The following APOB variants were observed in gnomAD, a reference collection of about 807,000 sequenced individuals.
The protein encoded by APOB is apolipoprotein B.
A neutral mutation model predicts 314.1 loss-of-function variants in APOB; 153 were observed. That is an observed-to-expected ratio of 0.49 (90% confidence interval 0.43 to 0.56). The LOEUF is 0.56. Ranked by LOEUF, APOB falls within the 20% of genes least tolerant of loss-of-function variation. The pLI, the probability that APOB is intolerant of heterozygous loss-of-function variation, is 0.00. For missense variants in APOB, 5,430 were observed against 5,350.7 expected, an observed-to-expected ratio of 1.01 and a Z score of -0.46; for synonymous variants, 2,087 against 2,036.4, an observed-to-expected ratio of 1.02 and a Z score of -0.67.
In APOB at chr2:21,025,136, G is replaced by A. The variant is rs1558571048; in HGVS notation, c.2245-12C>T. 6.2e-7 allele frequency: 1 copy of A among 1,612,532 alleles called. No homozygotes were observed. Among genetic ancestry groups the A allele is most frequent in the Non-Finnish European group, 8.5e-7 (1 of 1,179,496 alleles). On this transcript the variant is annotated splice_polypyrimidine_tract_variant and intron_variant, in intron 15 of 28. Coordinates refer to ENST00000233242, the MANE Select transcript of APOB (RefSeq NM_000384.3). Reference sequence around the variant, plus strand: ...CCATTTACCATATCCTGAGAGTTTAGTAATAAAATGGCCAGTGAGATGTCA... The same window carrying A: ...CCATTTACCATATCCTGAGAGTTTAATAATAAAATGGCCAGTGAGATGTCA...
chr2:21,016,606 C>A lies in APOB; in HGVS notation c.3165G>T (p.Arg1055=), dbSNP rs748079943. 34 of 1,612,108 alleles carry A rather than the reference C, an allele frequency of 2.1e-5. 1 individual carries two copies. The East Asian group carries it at 7.4e-4, about 35-fold the overall frequency. Residue 1055 remains arginine (R), a synonymous_variant, in exon 21 of 29, where the codon CGG becomes CGT. Coordinates refer to ENST00000233242, the MANE Select transcript of APOB (RefSeq NM_000384.3). The part of the protein sequence containing the change: ...TEATMTFKYN[R]QSMTLSSEVQ... ...CTTCACTGGACAAGGTCATACTCTGCCGATTATATTTGAATGTCATGGTAG... is the reference window on the plus strand; with the variant it reads ...CTTCACTGGACAAGGTCATACTCTGACGATTATATTTGAATGTCATGGTAG...
In APOB at chr2:21,009,787, A is replaced by G; in HGVS notation, c.7081T>C (p.Leu2361=). The G allele has an allele frequency of 6.2e-7, 1 of 1,613,956 alleles. No individual in the cohort carries two copies. Among genetic ancestry groups the G allele is most frequent in the Non-Finnish European group, 8.5e-7 (1 of 1,179,936 alleles). ...TTGTATTGGTGGGCCAACTCTACTA[A>G]TTTATCCATTAAAACCTGGATTTGT... is the stretch of plus-strand genomic sequence containing the variant. ...DQQIQVLMDK[L]VELAHQYKLK... Residue 2361 remains leucine, a synonymous_variant, in exon 26 of 29, where the codon TTA becomes CTA. Coordinates refer to ENST00000233242, the MANE Select transcript of APOB (RefSeq NM_000384.3).
chr2:21,042,555 A>T, intron 2 of APOB, 79 bp from the exon 3 acceptor site: 1 of 956,510 alleles, frequency 1.0e-6, no homozygotes, highest in Non-Finnish European at 1.7e-6. Flanking sequence ...AGAGAGGGGC[A>T]GTGGCATAGA....
At position 21,005,706 on chromosome 2, in the gene APOB, A is replaced by G. The variant is rs202213088; in HGVS notation, c.11162T>C (p.Ile3721Thr). ...TTTATCAGCCAAAACTTTTACAGGG[A>G]TGGAGAATGAATAGCCATTGGGGTT... The part of the protein sequence containing the change: ...TKNPNGYSFS[I>T]PVKVLADKFI... The change falls in exon 26 of 29, where the codon ATC becomes ACC. Residue 3721 changes from isoleucine (I) to threonine (T), a missense_variant. Around this residue, in one of 3 missense-constraint regions of APOB, gnomAD observed 3,281 missense variants for 3,171.0 expected, o/e 1.03. Transcript: ENST00000233242. The G allele has an allele frequency of 1.2e-5, 20 of 1,613,946 alleles. No homozygotes were observed. In the Admixed American group the frequency reaches 3.3e-4, roughly 27 times the overall value.
At chr2:21,040,892 C>G (rs1302548961) in intron 4 of APOB, 46 bp downstream of exon 4, 1 of 1,610,448 alleles carries the variant, frequency 6.2e-7, no homozygotes. Context: ...GTTCATACCT[C>G]AGCGGACACA....
intron 23 of APOB, 116 bp downstream of exon 23, chr2:21,014,955 TGG>T: frequency 8.9e-7 from 1 of 1,118,218 alleles, no homozygotes; most frequent in Non-Finnish European, 1.3e-6. Context: ...AAGAATTCCC[TGG>T]GGGGAAGGAA....
Position 21,007,836 on chromosome 2 carries a change from C to T in APOB, c.9032G>A (p.Gly3011Glu), listed in dbSNP as rs772266350. The T allele has an allele frequency of 5.6e-6, 9 of 1,614,098 alleles. No homozygotes were observed. The highest frequency in any genetic ancestry group is 7.6e-6 in the Non-Finnish European group (9 of 1,179,958). The change falls in exon 26 of 29, where the codon GGA (glycine) becomes GAA (glutamate). Residue 3011 changes from glycine to glutamate, a missense_variant. This residue lies in a region of APOB where 3,281 missense variants were observed against 3,171.0 expected (regional missense o/e 1.03). Transcript: ENST00000233242. ...CCCAGTAAACTCTGCCTTCCCTTCT[C>T]CAAACAGTGCCATGCCTTTAGCAGT... ...VLTAKGMALFGEGKAEFTGRH... is the reference protein window; with the variant it reads ...VLTAKGMALFEEGKAEFTGRH...
intron 6 of APOB, among the ~76,000 whole-genome samples, chr2:21,036,822 G>A (rs944615543): frequency 6.6e-6 from 1 of 152,160 alleles, no homozygotes; most frequent in Non-Finnish European, 1.5e-5. Flanking sequence ...CAAGTGATGA[G>A]ATTAGAGGCA....
chr2:21,002,854 TC>T lies in APOB; in HGVS notation c.12567del (p.Ile4190LeufsTer8). 6.2e-7 allele frequency: 1 copy of T among 1,613,494 alleles called. No homozygotes were observed. The highest frequency in any genetic ancestry group is 1.1e-5 in the South Asian group (1 of 90,968). ...TQEFHMKVKH[L>X]IDSLIDFLNF... ...TTCAGAAAATCAATGAGTGAGTCAA[TC>T]AGATGCTTGACTTTCATATGGAATT... On this transcript the variant is annotated frameshift_variant, in exon 29 of 29. Coordinates refer to ENST00000233242, the MANE Select transcript of APOB (RefSeq NM_000384.3). LOFTEE classifies it low-confidence loss of function (END_TRUNC).
Position 21,025,050 on chromosome 2 carries a change from G to T in APOB, c.2319C>A (p.Ala773=). The change falls in exon 16 of 29, where the codon GCC becomes GCA. Residue 773 remains alanine (A), a synonymous_variant. Transcript: ENST00000233242. ...CTCCCAAGATGCGGAGGTAGGCTCT[G>T]GCTTCCGGGACTTCTTTGGATTTCA... ...KDLKSKEVPE[A]RAYLRILGEE... is the part of the protein sequence containing the mutation. 1 of 1,614,252 alleles carries T rather than the reference G, an allele frequency of 6.2e-7. No homozygotes were observed. Among genetic ancestry groups the T allele is most frequent in the Non-Finnish European group, 8.5e-7 (1 of 1,180,052 alleles).
chr2:21,017,187 A>G (rs1663500603), intron 20 of APOB, among the ~76,000 whole-genome samples: 1 of 151,780 alleles, frequency 6.6e-6, no homozygotes, highest in Non-Finnish European at 1.5e-5. Flanking sequence ...TTTACTGATA[A>G]TTTTAAACTC....
chr2:21,033,377 T>A lies in APOB; in HGVS notation c.1046A>T (p.Asn349Ile). The change falls in exon 9 of 29, where the codon AAT becomes ATT. Residue 349 changes from asparagine to isoleucine, a missense_variant. Transcript: ENST00000233242. ...GCCTCTCAGCTCAGTAACCAGCTTA[T>A]TGAAGAGATTAGCTCTCTGGATATT... ...EQNIQRANLF[N>I]KLVTELRGLS... 1 of 1,614,176 alleles carries A rather than the reference T, an allele frequency of 6.2e-7. No homozygotes were observed. The highest frequency in any genetic ancestry group is 8.5e-7 in the Non-Finnish European group (1 of 1,180,014).
intron 10 of APOB, among the ~76,000 whole-genome samples, chr2:21,032,072 G>A (rs1376227692): frequency 1.3e-5 from 2 of 152,188 alleles, no homozygotes; most frequent in African/African-American, 2.4e-5. Context: ...TAAATAGTAG[G>A]AGATAGCTGG....
At chr2:21,019,214 T>G (rs1033382521) in intron 19 of APOB, 101 bp from the exon 20 acceptor site, 5 of 1,440,266 alleles carry the variant, frequency 3.5e-6, no homozygotes, top group Non-Finnish European at 3.9e-6. Context: ...AAAAATATGG[T>G]CCTTATTTTA....
chr2:21,032,215 A>C (rs936121385), intron 10 of APOB, 139 bp downstream of exon 10: 33 of 763,892 alleles, frequency 4.3e-5, no homozygotes, highest in South Asian at 2.9e-4. Flanking sequence ...TCATTACCCC[A>C]AAAATGATCA....
Position 21,002,354 on chromosome 2 carries a change from A to T in APOB, c.13068T>A (p.Leu4356=). 1 of 1,611,244 alleles carries T rather than the reference A, an allele frequency of 6.2e-7. No homozygotes were observed. Among genetic ancestry groups the T allele is most frequent in the South Asian group, 1.1e-5 (1 of 90,324 alleles). The change falls in exon 29 of 29, where the codon CTT becomes CTA. Residue 4356 remains leucine, a synonymous_variant. Transcript: ENST00000233242. ...KLLKENLCLN[L]HKFNEFIQNE... ...TTTGAATAAATTCATTGAACTTATG[A>T]AGATTAAGGCATAGGTTTTCTTTCA...
At chr2:21,042,620 T>G in intron 2 of APOB, 144 bp from the exon 3 acceptor site, 1 of 712,674 alleles carries the variant, frequency 1.4e-6, no homozygotes, top group South Asian at 1.5e-5. Flanking sequence ...TTATACTTAA[T>G]TTTCCTTTAT....
Position 21,035,596 on chromosome 2 carries a change from G to A in APOB, c.806C>T (p.Pro269Leu). ...TCACATGACCTACTTGTAGGAGAAA[G>A]GCAGGAAGAGGTGTTGCTCCTTGCA... Reference protein sequence around the residue: ...AICKEQHLFLPFSYKNKYGMV... With the variant: ...AICKEQHLFLLFSYKNKYGMV... The change falls in exon 7 of 29, where the codon CCT becomes CTT. Residue 269 changes from proline (P) to leucine (L), a missense_variant. Around this residue, in one of 3 missense-constraint regions of APOB, gnomAD observed 2,085 missense variants for 2,079.7 expected, o/e 1.00. Coordinates refer to ENST00000233242, the MANE Select transcript of APOB (RefSeq NM_000384.3). 1.9e-6 allele frequency: 3 copies of A among 1,614,088 alleles called. No individual in the cohort carries two copies. The highest frequency in any genetic ancestry group is 2.5e-6 in the Non-Finnish European group (3 of 1,180,034).
intron 5 of APOB, 132 bp downstream of exon 5, chr2:21,037,826 G>A (rs887839999): frequency 2.7e-5 from 32 of 1,177,064 alleles, no homozygotes; most frequent in Middle Eastern, 3.9e-4. Context: ...AGTATTTCAC[G>A]CCAATCCAGG....
Sources: gnomAD v4.1 joint callset for allele counts (sites outside exome capture counted in the v4.1 genomes callset) on GRCh38, gnomAD v4.1.1 for gene constraint, gnomAD v4.1.1 regional missense constraint, MANE v1.5 for transcripts, NCBI Gene and HGNC (gene_info 2026-07-23, HGNC 2026-07-21) for gene names.